SLC35D4: variants seen among roughly 807,000 people sequenced by gnomAD.
The protein encoded by SLC35D4 is UDP-N-acetylglucosamine transporter SLC35D4.
At chr18:23,333,888 T>C in the SLC35D4 span, among the ~76,000 whole-genome samples, 3 of 152,150 alleles carry the variant, frequency 2.0e-5, no homozygotes, top group African/African-American at 4.8e-5. Context: ...CTAATTCCAT[T>C]TGGACTACAA....
the SLC35D4 span, among the ~76,000 whole-genome samples, chr18:23,300,206 G>T: frequency 1.3e-5 from 2 of 152,066 alleles, no homozygotes; most frequent in Non-Finnish European, 2.9e-5. Flanking sequence ...CTTTTTGCAC[G>T]CAGGCTCACC....
At chr18:23,248,786 T>C in the SLC35D4 span, among the ~76,000 whole-genome samples, 19 of 152,170 alleles carry the variant, frequency 1.2e-4, no homozygotes, top group African/African-American at 4.6e-4. Flanking sequence ...GATCACACCA[T>C]TGCACTCCAG....
the SLC35D4 span, among the ~76,000 whole-genome samples, chr18:23,409,179 T>C: frequency 6.6e-6 from 1 of 152,122 alleles, no homozygotes. Flanking sequence ...ATCTATACCA[T>C]AAATTTTTGA....
chr18:23,353,813 T>G, the SLC35D4 span, among the ~76,000 whole-genome samples: 1 of 152,184 alleles, frequency 6.6e-6, no homozygotes, highest in South Asian at 2.1e-4. Context: ...CCTCGTAACC[T>G]TAACCAAATC....
chr18:23,271,861 T>A, the SLC35D4 span, among the ~76,000 whole-genome samples: 1 of 152,202 alleles, frequency 6.6e-6, no homozygotes, highest in Non-Finnish European at 1.5e-5. Context: ...TCCTGATAGC[T>A]AAACATGTGG....
the SLC35D4 span, among the ~76,000 whole-genome samples, chr18:23,316,468 C>G: frequency 7.1e-4 from 108 of 152,280 alleles, 1 homozygote; most frequent in East Asian, 6.2e-3. Context: ...TTCAATTAAC[C>G]GTTATTACCC....
At chr18:23,368,741 G>A in the SLC35D4 span, 12 of 1,450,784 alleles carry the variant, frequency 8.3e-6, no homozygotes, top group Admixed American at 2.2e-4. Flanking sequence ...AGTATTGCTG[G>A]TCAATGTCAC....
chr18:23,263,146 C>T, the SLC35D4 span, among the ~76,000 whole-genome samples: 1 of 152,240 alleles, frequency 6.6e-6, no homozygotes, highest in African/African-American at 2.4e-5. Flanking sequence ...GTGACAAAGG[C>T]AAGATTCAAA....
chr18:23,355,846 A>T, the SLC35D4 span, among the ~76,000 whole-genome samples: 2 of 152,160 alleles, frequency 1.3e-5, no homozygotes, highest in Non-Finnish European at 2.9e-5. Context: ...CAAAGATCAT[A>T]CAATTAGCAA....
the SLC35D4 span, among the ~76,000 whole-genome samples, chr18:23,363,252 C>CAA: frequency 1.9e-5 from 2 of 107,910 alleles, no homozygotes; most frequent in East Asian, 5.5e-4. Context: ...GACTCTGTCT[C>CAA]AAAAAAAAAA....
At chr18:23,348,249 C>T in the SLC35D4 span, among the ~76,000 whole-genome samples, 1 of 152,182 alleles carries the variant, frequency 6.6e-6, no homozygotes, top group Non-Finnish European at 1.5e-5. Context: ...TGTCAACCAG[C>T]ATACTATGTA....
At chr18:23,325,588 A>T in the SLC35D4 span, among the ~76,000 whole-genome samples, 1 of 152,230 alleles carries the variant, frequency 6.6e-6, no homozygotes, top group Non-Finnish European at 1.5e-5. Context: ...TTCTAAGTTT[A>T]ACATGAGAAT....
the SLC35D4 span, among the ~76,000 whole-genome samples, chr18:23,387,449 G>A: frequency 1.1e-4 from 16 of 152,282 alleles, no homozygotes; most frequent in African/African-American, 3.6e-4. Flanking sequence ...GAGTGGCTCA[G>A]CAGCACTGCA....
chr18:23,269,030 A>G, the SLC35D4 span, among the ~76,000 whole-genome samples: 203 of 152,316 alleles, frequency 1.3e-3, no homozygotes, highest in Non-Finnish European at 2.0e-3. Context: ...CCGTGGCCCA[A>G]TGAGCTTGGG....
chr18:23,272,276 A>G, the SLC35D4 span, among the ~76,000 whole-genome samples: 1 of 151,740 alleles, frequency 6.6e-6, no homozygotes, highest in Non-Finnish European at 1.5e-5. Context: ...CTGTAGAGAG[A>G]CCCCTTGCAT....
the SLC35D4 span, among the ~76,000 whole-genome samples, chr18:23,359,189 A>T: frequency 6.6e-6 from 1 of 152,164 alleles, no homozygotes; most frequent in Non-Finnish European, 1.5e-5. Flanking sequence ...GTTCAAGACC[A>T]GCCTGGCTAA....
At chr18:23,249,912 G>A in the SLC35D4 span, among the ~76,000 whole-genome samples, 1 of 152,354 alleles carries the variant, frequency 6.6e-6, no homozygotes, top group South Asian at 2.1e-4. Context: ...GCCACTCTGG[G>A]AGACCAGGAT....
At chr18:23,275,977 G>T in the SLC35D4 span, among the ~76,000 whole-genome samples, 1 of 152,204 alleles carries the variant, frequency 6.6e-6, no homozygotes, top group Non-Finnish European at 1.5e-5. Flanking sequence ...GTGGGCTGGG[G>T]TTTCTGTTAC....
the SLC35D4 span, among the ~76,000 whole-genome samples, chr18:23,411,541 GA>G: frequency 2.0e-5 from 3 of 149,932 alleles, no homozygotes; most frequent in African/African-American, 4.9e-5. Flanking sequence ...AAGAAAGAAA[GA>G]AAGAAAGAAA....
Sources: gnomAD v4.1 joint callset for allele counts (sites outside exome capture counted in the v4.1 genomes callset) on GRCh38, gnomAD v4.1.1 for gene constraint, MANE v1.5 for transcripts, NCBI Gene and HGNC (gene_info 2026-07-23, HGNC 2026-07-21) for gene names.